Variants in BCOR observed in about 807,000 individuals in gnomAD.
The protein encoded by BCOR is BCL6 corepressor.
In BCOR, 10 loss-of-function variants were observed where a neutral mutation model predicts 86.7. That is an observed-to-expected ratio of 0.12 (90% CI 0.07 to 0.20). The LOEUF (loss-of-function observed/expected upper bound fraction) is 0.20. Ranked by LOEUF, BCOR falls within the 10% of genes least tolerant of loss-of-function variation. The pLI is 1.00. For missense variants in BCOR, 1,259 were observed against 1,452.1 expected (o/e 0.87, Z 2.16); for synonymous variants, 611 against 609.0 (o/e 1.00, Z -0.05).
At chrX:40,141,728 A>G (rs1318129437) in intron 1 of BCOR, among the ~76,000 whole-genome samples, 5 of 110,628 alleles carry the variant, frequency 4.5e-5, no homozygotes, top group Admixed American at 9.6e-5. Flanking sequence ...CTTCGTTGGC[A>G]TTAGAATAAG....
intron 1 of BCOR, among the ~76,000 whole-genome samples, chrX:40,117,720 T>C (rs1937417085): frequency 9.0e-6 from 1 of 110,666 alleles, no homozygotes; most frequent in African/African-American, 3.3e-5. Flanking sequence ...GGACACTCGA[T>C]CCCCTTTCTA....
chrX:40,130,083 C>A (rs187384549), intron 1 of BCOR, among the ~76,000 whole-genome samples: 1 of 111,185 alleles, frequency 9.0e-6, no homozygotes, highest in Non-Finnish European at 1.9e-5. Flanking sequence ...CCTCTACCAC[C>A]CTCCGGGCCT....
At position 40,074,312 on chromosome X, in the gene BCOR, A is replaced by G; in HGVS notation, c.1034T>C (p.Leu345Pro). The change falls in exon 4 of 15, where the codon CTT becomes CCT. Residue 345 changes from leucine (L) to proline (P), a missense_variant. Physicochemically the swap from Leu to Pro is moderately conservative, Grantham distance 98. Coordinates refer to ENST00000378444, the MANE Select transcript of BCOR (RefSeq NM_001123385.2). ...GGTGTCTGCAGCAGGCTGGGTGGGA[A>G]GGTGGACTCGGGGTGACGGCCGAGG... ...PSPRPSPRVH[L>P]PTQPAADTYS... The G allele has an allele frequency of 8.3e-7, 1 of 1,212,010 alleles. No individual in the cohort carries two copies.
chrX:40,144,115 CTGCAGT>C (rs1304049495), intron 1 of BCOR, among the ~76,000 whole-genome samples: 1 of 48 alleles, frequency 0.021, no homozygotes, highest in East Asian at 0.33. Flanking sequence ...CTGCAGGAGA[CTGCAGT>C]ATCAGGTGGC....
chrX:40,164,302 G>A (rs1291616814), intron 1 of BCOR, among the ~76,000 whole-genome samples: 2 of 112,767 alleles, frequency 1.8e-5, no homozygotes, highest in African/African-American at 6.5e-5. Flanking sequence ...TCCAGGAGCA[G>A]AATTAAATTG....
chrX:40,061,289 G>A (rs911562184), intron 10 of BCOR, among the ~76,000 whole-genome samples: 1 of 111,982 alleles, frequency 8.9e-6, no homozygotes, highest in Non-Finnish European at 1.9e-5. Flanking sequence ...TGTGAAAAGC[G>A]TGATTCCAAT....
At chrX:40,163,279 C>T (rs1186392379) in intron 1 of BCOR, among the ~76,000 whole-genome samples, 1 of 111,348 alleles carries the variant, frequency 9.0e-6, no homozygotes, top group Non-Finnish European at 1.9e-5. Flanking sequence ...TGCAGAAGAG[C>T]CTAAAACCCA....
At position 40,055,423 on chromosome X, in the gene BCOR, T is replaced by C; in HGVS notation, c.4686A>G (p.Ser1562=). 8.3e-7 allele frequency: 1 copy of C among 1,210,956 alleles called. No individual in the cohort carries two copies. Among genetic ancestry groups the C allele is most frequent in the Non-Finnish European group, 1.1e-6 (1 of 894,450 alleles). ...YGADPTLATY[S]GRTIMKMTHS... ...GGGTCATTTTCATGATGGTTCTACC[T>C]GAGTACGTAGCCAAGGTGGGGTCAG... Residue 1562 remains serine (S), a synonymous_variant, in exon 12 of 15, where the codon TCA becomes TCG. Coordinates refer to ENST00000378444, the MANE Select transcript of BCOR (RefSeq NM_001123385.2).
rs372713738 is a variant in BCOR at position 40,165,669 on chromosome X, C to A, written c.-41+11338G>T. ...TGATCCAAATCCCAGGCCAGAGAGA[C>A]CTGTGCCTAGCTAGGGTGTAACACA... is the stretch of plus-strand genomic sequence containing the variant. On this transcript the variant is annotated intron_variant, in intron 1 of 14. Coordinates refer to the BCOR transcript ENST00000342274. 1.1e-4 allele frequency among the ~76,000 whole-genome samples: 12 copies of A among 112,782 alleles called. No homozygotes were observed. In the South Asian group the frequency reaches 3.9e-3, roughly 37 times the overall value.
At chrX:40,134,035 G>A (rs995461362) in intron 1 of BCOR, among the ~76,000 whole-genome samples, 10 of 109,423 alleles carry the variant, frequency 9.1e-5, no homozygotes, top group African/African-American at 3.0e-4. Flanking sequence ...TAACCCCCTA[G>A]AAATTTGGGA....
At chrX:40,054,229 G>A (rs771089228) in intron 13 of BCOR, 27 bp downstream of exon 13, 25 of 1,187,308 alleles carry the variant, frequency 2.1e-5, no homozygotes, top group South Asian at 3.6e-5. Context: ...CACCTCCTAC[G>A]GAACTAGAGC....
intron 1 of BCOR, among the ~76,000 whole-genome samples, chrX:40,148,800 G>A (rs990027307): frequency 3.6e-5 from 4 of 111,613 alleles, no homozygotes; most frequent in Non-Finnish European, 5.7e-5. Flanking sequence ...GGGGCCCAGC[G>A]GGTTGAGAGA....
At chrX:40,092,150 G>A (rs1936648009) in intron 1 of BCOR, among the ~76,000 whole-genome samples, 1 of 112,027 alleles carries the variant, frequency 8.9e-6, no homozygotes, top group Non-Finnish European at 1.9e-5. Context: ...GCCGGGCCCG[G>A]TGTCCTCGAG....
Position 40,058,395 on chromosome X carries a change from G to C in BCOR, c.4429-1074C>G, listed in dbSNP as rs143510640. ...GTTCTGAAGACTGGGGGGAAAGCCA[G>C]AACATGTGGGGTAGCCCAACACATG... is the stretch of plus-strand genomic sequence containing the variant. On this transcript the variant is annotated intron_variant, in intron 10 of 14. Coordinates refer to ENST00000378444, the MANE Select transcript of BCOR (RefSeq NM_001123385.2). Among the ~76,000 whole-genome samples the C allele has an allele frequency of 6.5e-3, 730 of 112,042 alleles. 5 individuals are homozygous for C. Among genetic ancestry groups the C allele is most frequent in the African/African-American group, 0.022 (673 of 30,831 alleles).
chrX:40,169,089 C>T (rs1041513433), intron 1 of BCOR, among the ~76,000 whole-genome samples: 2 of 112,531 alleles, frequency 1.8e-5, no homozygotes, highest in African/African-American at 6.5e-5. Context: ...TATCGGAGGC[C>T]TATTACGTGC....
In BCOR at chrX:40,062,110, A is replaced by C. The variant is rs767831225; in HGVS notation, c.4428+29T>G. On this transcript the variant is annotated intron_variant, in intron 10 of 14. Transcript: ENST00000378444. ...CCGCAGGCCCCGCCCCCCAGCCTGC[A>C]GCCCCAGGGAGCGCCCACAGGGACA... is the stretch of plus-strand genomic sequence containing the variant. 4.2e-5 allele frequency: 50 copies of C among 1,184,180 alleles called. 1 individual carries two copies. In the African/African-American group the frequency reaches 7.8e-4, roughly 18 times the overall value.
chrX:40,167,128 G>C (rs943623384), intron 1 of BCOR, among the ~76,000 whole-genome samples: 4 of 112,197 alleles, frequency 3.6e-5, no homozygotes, highest in Non-Finnish European at 5.6e-5. Context: ...CTTCTCCCTC[G>C]GAGGAAGTTA....
At chrX:40,058,532 C>A (rs770074372) in intron 10 of BCOR, among the ~76,000 whole-genome samples, 3 of 112,025 alleles carry the variant, frequency 2.7e-5, no homozygotes, top group African/African-American at 9.7e-5. Flanking sequence ...CACCCATAAA[C>A]GTGAGGTGAG....
chrX:40,114,339 C>A lies in BCOR; in HGVS notation c.-40-36370G>T, dbSNP rs1263941193. On this transcript the variant is annotated intron_variant, in intron 1 of 14. Transcript: ENST00000342274. Reference sequence around the variant, plus strand: ...GGGAGGCCCGTGGGAGTATGGGACACCTGTGTACAGGTCTCTGTCGGCTGG... The same window carrying A: ...GGGAGGCCCGTGGGAGTATGGGACAACTGTGTACAGGTCTCTGTCGGCTGG... Among the ~76,000 whole-genome samples, 3 of 110,776 alleles carry A rather than the reference C, an allele frequency of 2.7e-5. No individual in the cohort carries two copies. In the East Asian group the frequency reaches 8.5e-4, roughly 31 times the overall value.
Sources: allele counts gnomAD v4.1 joint callset (sites outside exome capture counted in the v4.1 genomes callset), GRCh38; gene constraint gnomAD v4.1.1; transcripts MANE v1.5; gene names NCBI Gene and HGNC (gene_info 2026-07-23, HGNC 2026-07-21).